The following MARCHF2 variants were observed in gnomAD, a reference collection of about 807,000 sequenced individuals.
The protein encoded by MARCHF2 is E3 ubiquitin-protein ligase MARCHF2.
In MARCHF2, 22 loss-of-function variants were observed where a neutral mutation model predicts 24.0. That is an observed-to-expected ratio of 0.92 (90% CI 0.66 to 1.31). MARCHF2 has a LOEUF of 1.31. Among genes scored for constraint, MARCHF2 ranks in the 50% most tolerant of loss-of-function variants. The pLI is 0.00. For missense variants in MARCHF2, 301 were observed against 335.3 expected (o/e 0.90, Z 0.80); for synonymous variants, 154 against 153.0 (o/e 1.01, Z -0.05).
Position 8,438,702 on chromosome 19 carries a change from G to C in MARCHF2, c.*156G>C. On this transcript the variant is annotated 3_prime_UTR_variant, in exon 5 of 5. Coordinates refer to ENST00000215555, the MANE Select transcript of MARCHF2 (RefSeq NM_001005415.2). ...AGAGACACCATGCAGAGCCTAGTCT[G>C]TGATCCTGTGTGAAGATATTTTCAG... is the stretch of plus-strand genomic sequence containing the variant. 1 of 628,014 alleles carries C rather than the reference G, an allele frequency of 1.6e-6. No individual in the cohort carries two copies. Among genetic ancestry groups the C allele is most frequent in the Middle Eastern group, 4.1e-4 (1 of 2,442 alleles). 38.9% of individuals were successfully genotyped at this position (628,014 alleles called of 1,614,324 possible).
intron 2 of MARCHF2, among the ~76,000 whole-genome samples, chr19:8,422,437 G>C (rs1967272805): frequency 6.6e-6 from 1 of 151,818 alleles, no homozygotes; most frequent in African/African-American, 2.4e-5. Context: ...TTGTTGCCCA[G>C]GCTGGAGTGC....
At chr19:8,432,684 G>GGGAGGCTGAGTCAGGAGCCTGA (rs1202353497) in intron 4 of MARCHF2, among the ~76,000 whole-genome samples, 1 of 151,786 alleles carries the variant, frequency 6.6e-6, no homozygotes, top group Non-Finnish European at 1.5e-5. Flanking sequence ...CCAGCTACCT[G>GGGAGGCTGAGTCAGGAGCCTGA]GGAGGCTGAG....
chr19:8,418,015 C>T (rs1234933746), intron 1 of MARCHF2, among the ~76,000 whole-genome samples: 4 of 151,584 alleles, frequency 2.6e-5, no homozygotes, highest in Non-Finnish European at 4.4e-5. Context: ...CTGCCCACCT[C>T]GGCCTCCCAA....
At position 8,430,092 on chromosome 19, in the gene MARCHF2, G is replaced by A. The variant is rs1032080889; in HGVS notation, c.373-566G>A. Among the ~76,000 whole-genome samples the A allele has an allele frequency of 6.6e-6, 1 of 152,018 alleles. No homozygotes were observed. Among genetic ancestry groups the A allele is most frequent in the Non-Finnish European group, 1.5e-5 (1 of 68,020 alleles). On this transcript the variant is annotated intron_variant, in intron 3 of 4. Coordinates refer to ENST00000215555, the MANE Select transcript of MARCHF2 (RefSeq NM_001005415.2). This position sits in a 1 kb window ranked among gnomAD's most constrained non-coding sequence, Gnocchi z 4.4. ...TTGAAAGAAGGAAAGGGCCAGGCGTGGTGGCTCACACCTGTAATCCCAGAA... is the reference window on the plus strand; with the variant it reads ...TTGAAAGAAGGAAAGGGCCAGGCGTAGTGGCTCACACCTGTAATCCCAGAA...
intron 4 of MARCHF2, among the ~76,000 whole-genome samples, chr19:8,435,317 C>CT (rs1967686573): frequency 6.6e-6 from 1 of 151,898 alleles, no homozygotes; most frequent in Non-Finnish European, 1.5e-5. Context: ...CACACTAGGC[C>CT]ATTTTTAAAT....
At chr19:8,414,599 G>T (rs2145526376) in intron 1 of MARCHF2, among the ~76,000 whole-genome samples, 1 of 152,248 alleles carries the variant, frequency 6.6e-6, no homozygotes, top group Middle Eastern at 3.4e-3. Context: ...TTTTAGAGAT[G>T]ATAATACTGA....
At chr19:8,429,684 A>G (rs932534670) in intron 3 of MARCHF2, among the ~76,000 whole-genome samples, 1 of 150,224 alleles carries the variant, frequency 6.7e-6, no homozygotes, top group African/African-American at 2.4e-5. Flanking sequence ...TTGTATTTTT[A>G]GTAGAGGCAG....
chr19:8,429,307 C>T (rs1024621414), intron 3 of MARCHF2, among the ~76,000 whole-genome samples: 2 of 151,760 alleles, frequency 1.3e-5, no homozygotes, highest in African/African-American at 4.8e-5. Flanking sequence ...TCTCATCCAC[C>T]AGAATTTCAT....
intron 4 of MARCHF2, 104 bp from the exon 5 acceptor site, chr19:8,438,284 C>A: frequency 2.6e-6 from 3 of 1,171,172 alleles, no homozygotes; most frequent in Non-Finnish European, 3.7e-6. Context: ...CTTCTGGAAG[C>A]ATGAGCCCCA....
chr19:8,428,809 C>A lies in MARCHF2; in HGVS notation c.373-1849C>A, dbSNP rs547599141. ...TAAAACACCGTCTCTACTAAAAATACAAAAATTAGCTGGGCATGGTGGCGG... is the reference window on the plus strand; with the variant it reads ...TAAAACACCGTCTCTACTAAAAATAAAAAAATTAGCTGGGCATGGTGGCGG... On this transcript the variant is annotated intron_variant, in intron 3 of 4. Transcript: ENST00000215555. Among the ~76,000 whole-genome samples, 96 of 151,196 alleles carry A rather than the reference C, an allele frequency of 6.3e-4. 1 individual carries two copies. Among genetic ancestry groups the A allele is most frequent in the African/African-American group, 2.3e-3 (93 of 41,212 alleles).
chr19:8,427,376 G>A (rs562465776), intron 3 of MARCHF2, among the ~76,000 whole-genome samples: 16 of 151,790 alleles, frequency 1.1e-4, no homozygotes, highest in South Asian at 8.3e-4. Context: ...GAGATTTCCT[G>A]GGCACCTCCA....
intron 1 of MARCHF2, among the ~76,000 whole-genome samples, chr19:8,420,120 T>C (rs1363379409): frequency 4.0e-5 from 6 of 149,904 alleles, no homozygotes; most frequent in Non-Finnish European, 8.9e-5. Context: ...ATCGCGCCAC[T>C]GCACTCCAGC....
At chr19:8,424,397 G>A (rs1967339269) in intron 2 of MARCHF2, among the ~76,000 whole-genome samples, 1 of 152,306 alleles carries the variant, frequency 6.6e-6, no homozygotes, top group African/African-American at 2.4e-5. Flanking sequence ...GCCTTGCGCA[G>A]TGGCTCACGC....
At chr19:8,426,487 G>A in intron 2 of MARCHF2, 122 bp from the exon 3 acceptor site, 1 of 733,116 alleles carries the variant, frequency 1.4e-6, no homozygotes, top group East Asian at 2.5e-5. Flanking sequence ...GGCATTGAAG[G>A]ATGAGTAGGA....
Position 8,434,548 on chromosome 19 carries a change from A to C in MARCHF2, c.582+3681A>C, listed in dbSNP as rs1487983381. Reference sequence around the variant, plus strand: ...TTGTATGGGTGGACCATATTTATTTAACAAATCACTTTTGACAGGCACTGG... The same window carrying C: ...TTGTATGGGTGGACCATATTTATTTCACAAATCACTTTTGACAGGCACTGG... On this transcript the variant is annotated intron_variant, in intron 4 of 4. Coordinates refer to ENST00000215555, the MANE Select transcript of MARCHF2 (RefSeq NM_001005415.2). Among the ~76,000 whole-genome samples, 3 of 151,016 alleles carry C rather than the reference A, an allele frequency of 2.0e-5. No homozygotes were observed. In the Admixed American group the frequency reaches 2.0e-4, roughly 10 times the overall value.
At chr19:8,415,735 CAAAAAAAACA>C (rs1967064951) in intron 1 of MARCHF2, among the ~76,000 whole-genome samples, 1 of 96,724 alleles carries the variant, frequency 1.0e-5, no homozygotes, top group East Asian at 3.4e-4. Context: ...AAAAAAAAAA[CAAAAAAAACA>C]AAAAAAAAAA....
intron 4 of MARCHF2, among the ~76,000 whole-genome samples, chr19:8,436,807 C>T (rs919116947): frequency 2.0e-5 from 3 of 151,576 alleles, no homozygotes; most frequent in Non-Finnish European, 4.4e-5. Flanking sequence ...TCTCTTGCCT[C>T]AGCCTCCTGA....
chr19:8,437,390 C>T (rs1216054930), intron 4 of MARCHF2, among the ~76,000 whole-genome samples: 5 of 137,894 alleles, frequency 3.6e-5, no homozygotes, highest in South Asian at 2.3e-4. Flanking sequence ...CTCGCTCTGT[C>T]GCCCAGGCTG....
Position 8,419,880 on chromosome 19 carries a change from C to T in MARCHF2, c.-52-1909C>T, listed in dbSNP as rs972247372. Among the ~76,000 whole-genome samples, 24 of 148,478 alleles carry T rather than the reference C, an allele frequency of 1.6e-4. 1 individual carries two copies. The South Asian group carries it at 2.9e-3, about 18-fold the overall frequency. On this transcript the variant is annotated intron_variant, in intron 1 of 4. Transcript: ENST00000215555. ...TAAAAATAAAAATAAAAATAATTGC[C>T]GGGCGCAGTGGCTCACACCTGTAAT...
Sources: allele counts gnomAD v4.1 joint callset (sites outside exome capture counted in the v4.1 genomes callset), GRCh38; gene constraint gnomAD v4.1.1; non-coding constraint Gnocchi (gnomAD v3.1); transcripts MANE v1.5; gene names NCBI Gene and HGNC (gene_info 2026-07-23, HGNC 2026-07-21).